RNF125: variants seen among roughly 807,000 people sequenced by gnomAD.
RNF125 encodes the protein E3 ubiquitin-protein ligase RNF125.
In RNF125, 21 loss-of-function variants were observed where a neutral mutation model predicts 26.0. The observed-to-expected ratio is 0.81, with a 90% confidence interval of 0.57 to 1.16. The LOEUF is 1.16. RNF125 is among the 50% of genes most tolerant of loss of function. RNF125 has a pLI of 0.00. For synonymous variants in RNF125, 95 were observed against 109.2 expected (o/e 0.87, Z 0.81); for missense variants, 270 against 299.4 (o/e 0.90, Z 0.72).
chr18:32,025,351 T>C (rs1017310935), intron 1 of RNF125, among the ~76,000 whole-genome samples: 6 of 151,722 alleles, frequency 4.0e-5, no homozygotes, highest in Non-Finnish European at 8.8e-5. Context: ...ATGGCTTCTG[T>C]GGCTCAGTGA....
At chr18:32,031,513 G>C (rs376030010) in intron 1 of RNF125, among the ~76,000 whole-genome samples, 1 of 125,378 alleles carries the variant, frequency 8.0e-6, no homozygotes, top group Non-Finnish European at 1.6e-5. Context: ...AAAAAAAAAA[G>C]GGAAAACTGC....
chr18:32,058,852 C>G (rs905461318), intron 4 of RNF125, among the ~76,000 whole-genome samples: 3 of 152,066 alleles, frequency 2.0e-5, no homozygotes, highest in African/African-American at 7.2e-5. Flanking sequence ...ATTTTTAGCT[C>G]CCACAAATAA....
At chr18:32,074,939 C>A (rs940931611), downstream of RNF125, among the ~76,000 whole-genome samples, 1 of 152,146 alleles carries the variant, frequency 6.6e-6, no homozygotes, top group Non-Finnish European at 1.5e-5. Flanking sequence ...ATAGTGATTT[C>A]TTTTTTTGAA....
Position 32,045,749 on chromosome 18 carries a change from C to T in RNF125, c.504+17C>T, listed in dbSNP as rs751839455. ...AGGCCTGTGGTAAGGATTTTTGTTACATGTATTACAGCAATGTCTGAATTC... is the reference window on the plus strand; with the variant it reads ...AGGCCTGTGGTAAGGATTTTTGTTATATGTATTACAGCAATGTCTGAATTC... On this transcript the variant is annotated intron_variant, in intron 4 of 5. Transcript: ENST00000217740. 1 of 1,518,170 alleles carries T rather than the reference C, an allele frequency of 6.6e-7. No homozygotes were observed. The highest frequency in any genetic ancestry group is 1.1e-5 in the South Asian group (1 of 88,312). 94.0% of individuals were successfully genotyped at this position (1,518,170 alleles called of 1,614,324 possible). A position where few individuals can be genotyped will look rare whatever the true frequency, so the allele number is the denominator to read the frequency against.
the RNF125 span, among the ~76,000 whole-genome samples, chr18:32,084,354 CCAAA>C: frequency 0.025 from 3,728 of 152,062 alleles, 157 homozygotes; most frequent in African/African-American, 0.084. Context: ...GACTATGTCT[CCAAA>C]CAAACAAACA....
At chr18:32,023,309 C>T (rs1481970070) in intron 1 of RNF125, among the ~76,000 whole-genome samples, 1 of 152,168 alleles carries the variant, frequency 6.6e-6, no homozygotes, top group African/African-American at 2.4e-5. Context: ...TGCACCACCA[C>T]ACCTGGCTAG....
At chr18:32,057,008 T>A (rs1393687779) in intron 4 of RNF125, among the ~76,000 whole-genome samples, 1 of 152,218 alleles carries the variant, frequency 6.6e-6, no homozygotes, top group African/African-American at 2.4e-5. Flanking sequence ...TAATGTAGCC[T>A]CCCTCTCAAG....
intron 4 of RNF125, among the ~76,000 whole-genome samples, chr18:32,052,912 C>G (rs937912110): frequency 3.4e-4 from 52 of 152,050 alleles, no homozygotes; most frequent in African/African-American, 1.1e-3. Flanking sequence ...AACTGAAATC[C>G]CTCAACAGTA....
intron 1 of RNF125, among the ~76,000 whole-genome samples, chr18:32,025,825 A>G (rs1251608072): frequency 6.6e-6 from 1 of 151,924 alleles, no homozygotes; most frequent in African/African-American, 2.4e-5. Context: ...AAAAATGGCA[A>G]AAAGGAGGAG....
chr18:32,030,742 C>A (rs2039085179), intron 1 of RNF125, among the ~76,000 whole-genome samples: 1 of 152,220 alleles, frequency 6.6e-6, no homozygotes. Context: ...TTTCAGCTCA[C>A]AGTTCTGGAG....
chr18:32,058,502 C>A (rs1008923293), intron 4 of RNF125, among the ~76,000 whole-genome samples: 1 of 151,954 alleles, frequency 6.6e-6, no homozygotes, highest in South Asian at 2.1e-4. Context: ...CATGTGACCA[C>A]ACCCAGCTAA....
the RNF125 span, among the ~76,000 whole-genome samples, chr18:32,085,622 AC>A: frequency 1.4e-5 from 2 of 144,724 alleles, no homozygotes; most frequent in Admixed American, 7.5e-5. Flanking sequence ...AATCGCTTGA[AC>A]CTGGGGGTGG....
intron 1 of RNF125, among the ~76,000 whole-genome samples, chr18:32,033,818 TCAAACAAACAAA>T (rs111827492): frequency 1.3e-5 from 2 of 151,378 alleles, no homozygotes; most frequent in African/African-American, 2.4e-5. Context: ...AAATTTCATC[TCAAACAAACAAA>T]CAAACAAACA....
chr18:32,034,555 GGTAT>G, intron 1 of RNF125, among the ~76,000 whole-genome samples: 1 of 152,096 alleles, frequency 6.6e-6, no homozygotes, highest in Non-Finnish European at 1.5e-5. Flanking sequence ...AATGAATTAA[GGTAT>G]ATGGAAGAGT....
chr18:32,040,429 A>T (rs2039206004), intron 2 of RNF125, among the ~76,000 whole-genome samples: 1 of 151,164 alleles, frequency 6.6e-6, no homozygotes, highest in Admixed American at 6.6e-5. Context: ...ACACCACCAC[A>T]CCCGGCTAAT....
At chr18:32,068,215 G>A in intron 5 of RNF125, 83 bp from the exon 6 acceptor site, 6 of 716,366 alleles carry the variant, frequency 8.4e-6, no homozygotes, top group Non-Finnish European at 1.4e-5. Context: ...CCTACAAAAT[G>A]AGGGTGTTGC....
At chr18:32,066,961 G>A (rs376000312) in intron 5 of RNF125, among the ~76,000 whole-genome samples, 1 of 152,102 alleles carries the variant, frequency 6.6e-6, no homozygotes, top group African/African-American at 2.4e-5. Context: ...AATACAAAGA[G>A]GTTTCTCTTG....
chr18:32,034,089 C>A (rs1371503361), intron 1 of RNF125, among the ~76,000 whole-genome samples: 2 of 152,188 alleles, frequency 1.3e-5, no homozygotes, highest in African/African-American at 2.4e-5. Flanking sequence ...CTTGACCTGG[C>A]ACCTCCAGCA....
chr18:32,054,620 G>T (rs57412069), intron 4 of RNF125, among the ~76,000 whole-genome samples: 2,391 of 152,302 alleles, frequency 0.016, 54 homozygotes, highest in African/African-American at 0.052. Context: ...CTGATTCTGT[G>T]TATCAACTAT....
Sources: allele counts gnomAD v4.1 joint callset (sites outside exome capture counted in the v4.1 genomes callset), GRCh38; gene constraint gnomAD v4.1.1; transcripts MANE v1.5; gene names NCBI Gene and HGNC (gene_info 2026-07-23, HGNC 2026-07-21).